Variants in FRMPD3 observed in about 807,000 individuals in gnomAD.
The protein encoded by FRMPD3 is FERM and PDZ domain containing 3, also known as FERM and PDZ domain-containing protein 3.
A neutral mutation model predicts 97.9 loss-of-function variants in FRMPD3; 42 were observed. The observed-to-expected ratio is 0.43, with a 90% CI of 0.34 to 0.55. The LOEUF is 0.55. Ranked by LOEUF, FRMPD3 falls within the 20% of genes least tolerant of loss-of-function variation. The pLI is 0.03. For missense variants in FRMPD3, 1,303 were observed against 1,457.7 expected, an observed-to-expected ratio of 0.89 and a Z score of 1.73; for synonymous variants, 577 against 581.1, an observed-to-expected ratio of 0.99 and a Z score of 0.10.
rs1052199790 is a variant in FRMPD3 at position 107,604,957 on chromosome X, G to T, written c.*1584G>T. 9.1e-6 allele frequency: 1 copy of T among 109,758 alleles called. No individual in the cohort carries two copies. The highest frequency in any genetic ancestry group is 1.9e-5 in the Non-Finnish European group (1 of 52,759). The allele number at this position is 109,758 out of a possible 1,213,427, so 9.0% of individuals were successfully genotyped here. On this transcript the variant is annotated 3_prime_UTR_variant, in exon 15 of 15. Transcript: ENST00000683843. The stretch of plus-strand genomic sequence containing the variant: ...CACTTCCTTGCTTCTCCTCCCCCAG[G>T]ACCAAGTTGTTGAATGGGCCAGAGA...
intron 1 of FRMPD3, among the ~76,000 whole-genome samples, chrX:107,519,933 A>C (rs1922455732): frequency 8.9e-6 from 1 of 111,932 alleles, no homozygotes; most frequent in African/African-American, 3.3e-5. Flanking sequence ...GGTGAAGGAC[A>C]CTTTCCAAGA....
Position 107,603,034 on chromosome X carries a change from G to A in FRMPD3, c.4995G>A (p.Val1665=), listed in dbSNP as rs377153221. ...CAGCCATCACGGGCAGCTTCCAGGTGCTGAGCAGCCTCATTGAGACCTTCG... is the reference window on the plus strand; with the variant it reads ...CAGCCATCACGGGCAGCTTCCAGGTACTGAGCAGCCTCATTGAGACCTTCG... ...MLAAITGSFQ[V]LSSLIETFVR... is the part of the protein sequence containing the mutation. The change falls in exon 15 of 15, where the codon GTG becomes GTA. Residue 1665 remains valine (V), a synonymous_variant. Coordinates refer to ENST00000683843, the MANE Select transcript of FRMPD3 (RefSeq NM_001388459.1). The A allele has an allele frequency of 1.8e-5, 22 of 1,209,897 alleles. No individual in the cohort carries two copies. The African/African-American group carries it at 3.1e-4, about 17-fold the overall frequency.
intron 1 of FRMPD3, among the ~76,000 whole-genome samples, chrX:107,462,830 T>G (rs1931499819): frequency 8.9e-6 from 1 of 111,899 alleles, no homozygotes; most frequent in Non-Finnish European, 1.9e-5. Flanking sequence ...TTCATTTGCC[T>G]TCTCTGTTTC....
At chrX:107,453,908 G>T (rs750563378) in intron 1 of FRMPD3, among the ~76,000 whole-genome samples, 1 of 112,236 alleles carries the variant, frequency 8.9e-6, no homozygotes, top group Non-Finnish European at 1.9e-5. Context: ...TGTGTATAAC[G>T]TGGGGCGGGG....
At chrX:107,482,754 GTATCAACAC>G (rs1311310698) in intron 1 of FRMPD3, among the ~76,000 whole-genome samples, 7 of 112,285 alleles carry the variant, frequency 6.2e-5, no homozygotes, top group African/African-American at 1.9e-4. Context: ...TTGAGTAGGA[GTATCAACAC>G]TATTGAGCAG....
intron 1 of FRMPD3, among the ~76,000 whole-genome samples, chrX:107,521,683 T>C (rs1416062724): frequency 8.9e-6 from 1 of 111,986 alleles, no homozygotes; most frequent in African/African-American, 3.2e-5. Flanking sequence ...GCTGGATCTC[T>C]AGAGCTTCCA....
chrX:107,504,547 G>T, intron 1 of FRMPD3, among the ~76,000 whole-genome samples: 1 of 112,214 alleles, frequency 8.9e-6, no homozygotes, highest in South Asian at 3.8e-4. Flanking sequence ...AAATTGTCTT[G>T]AAGCTATGTT....
At chrX:107,488,465 G>T (rs1269537835) in intron 1 of FRMPD3, among the ~76,000 whole-genome samples, 1 of 112,534 alleles carries the variant, frequency 8.9e-6, no homozygotes, top group Non-Finnish European at 1.9e-5. Flanking sequence ...TGGGTGTTTA[G>T]CCCTTATGGC....
intron 12 of FRMPD3, among the ~76,000 whole-genome samples, chrX:107,571,007 GCT>G (rs1322185361): frequency 2.7e-5 from 3 of 111,955 alleles, no homozygotes; most frequent in Middle Eastern, 4.2e-3. Context: ...CAGCTTACTT[GCT>G]CTTAGTGGAG....
At chrX:107,533,430 C>A in intron 3 of FRMPD3, 75 bp from the exon 4 acceptor site, 1 of 912,534 alleles carries the variant, frequency 1.1e-6, no homozygotes, top group Non-Finnish European at 1.6e-6. Flanking sequence ...GGGGAAGATT[C>A]TGGTGTTGCT....
chrX:107,558,681 A>G (rs1922212107), intron 8 of FRMPD3, among the ~76,000 whole-genome samples: 1 of 111,425 alleles, frequency 9.0e-6, no homozygotes, highest in Non-Finnish European at 1.9e-5. Flanking sequence ...TTTGCATAGC[A>G]TTTTTATTTT....
At chrX:107,597,279 T>G (rs1157591012) in intron 13 of FRMPD3, 42 bp from the exon 14 acceptor site, 2 of 1,100,456 alleles carry the variant, frequency 1.8e-6, no homozygotes, top group Non-Finnish European at 2.4e-6. Flanking sequence ...TTCACAATCC[T>G]TGGCACCAGG....
chrX:107,478,966 TCTCTCCACCCCA>T (rs1376026687), intron 1 of FRMPD3, among the ~76,000 whole-genome samples: 2 of 111,558 alleles, frequency 1.8e-5, no homozygotes, highest in Non-Finnish European at 3.8e-5. Context: ...TTGGCACCTG[TCTCTCCACCCCA>T]CCCCCGAACC....
intron 3 of FRMPD3, 82 bp downstream of exon 3, chrX:107,530,593 C>A (rs982230950): frequency 7.2e-6 from 5 of 694,524 alleles, no homozygotes; most frequent in African/African-American, 2.2e-5. Flanking sequence ...CTATCCCCCC[C>A]TCGCTCTGAG....
chrX:107,463,197 G>A (rs1437131606), intron 1 of FRMPD3, among the ~76,000 whole-genome samples: 2 of 112,517 alleles, frequency 1.8e-5, no homozygotes, highest in Admixed American at 9.4e-5. Context: ...TTTATAAAAA[G>A]CATTAGACAG....
At chrX:107,512,073 A>T (rs1320414435) in intron 1 of FRMPD3, among the ~76,000 whole-genome samples, 1 of 107,240 alleles carries the variant, frequency 9.3e-6, no homozygotes, top group African/African-American at 3.4e-5. Context: ...ACACACACAC[A>T]CTCACACTCA....
chrX:107,468,208 G>T (rs952202531), intron 1 of FRMPD3, among the ~76,000 whole-genome samples: 2 of 112,057 alleles, frequency 1.8e-5, no homozygotes, highest in African/African-American at 6.5e-5. Flanking sequence ...TTTACTCCCC[G>T]AAGTATGGTC....
chrX:107,572,920 A>C (rs867406357), intron 12 of FRMPD3, among the ~76,000 whole-genome samples: 1 of 101,456 alleles, frequency 9.9e-6, no homozygotes, highest in African/African-American at 4.3e-5. Flanking sequence ...AATAATAATA[A>C]TAATAATAAA....
Position 107,602,919 on chromosome X carries a change from A to G in FRMPD3, c.4880A>G (p.Tyr1627Cys). ...CCCTATGTGTCTCAGATCTCCGAGT[A>G]TAAGCTTGAGCTAGCTCTCAAGTTC... ...PKPYVSQISEYKLELALKFKE... is the reference protein window; with the variant it reads ...PKPYVSQISECKLELALKFKE... The change falls in exon 15 of 15, where the codon TAT (tyrosine) becomes TGT (cysteine). Residue 1627 changes from tyrosine (Y) to cysteine (C), a missense_variant. By Grantham distance (194) the Tyr-to-Cys change is radical. Coordinates refer to ENST00000683843, the MANE Select transcript of FRMPD3 (RefSeq NM_001388459.1). 2 of 1,211,253 alleles carry G rather than the reference A, an allele frequency of 1.7e-6. No individual in the cohort carries two copies. Among genetic ancestry groups the G allele is most frequent in the Non-Finnish European group, 2.2e-6 (2 of 895,451 alleles).
Sources: gnomAD v4.1 joint callset for allele counts (sites outside exome capture counted in the v4.1 genomes callset) on GRCh38, gnomAD v4.1.1 for gene constraint, MANE v1.5 for transcripts, NCBI Gene and HGNC (gene_info 2026-07-23, HGNC 2026-07-21) for gene names.